Variants in ETV6 observed in about 807,000 individuals in gnomAD.
The protein encoded by ETV6 is ETS variant transcription factor 6.
ETV6 carries 16 observed loss-of-function variants against 51.1 expected under a neutral mutation model. The ratio of observed to expected loss-of-function variants is 0.31; its 90% CI spans 0.21 to 0.48. ETV6 has a LOEUF of 0.48. ETV6 is among the 20% of genes least tolerant of loss of function. The pLI, the probability that ETV6 is intolerant of heterozygous loss-of-function variation, is 0.99. For synonymous variants in ETV6, 240 were observed against 224.1 expected, an observed-to-expected ratio of 1.07 and a Z score of -0.64; for missense variants, 458 against 594.8, an observed-to-expected ratio of 0.77 and a Z score of 2.39.
chr12:11,678,262 A>G (rs912791487), intron 1 of ETV6, among the ~76,000 whole-genome samples: 29 of 152,180 alleles, frequency 1.9e-4, no homozygotes, highest in Non-Finnish European at 4.0e-4. Flanking sequence ...TGAAGGCTGT[A>G]AGTGTGTGCT....
chr12:11,656,973 G>T (rs1324122442), intron 1 of ETV6, among the ~76,000 whole-genome samples: 1 of 151,636 alleles, frequency 6.6e-6, no homozygotes, highest in Non-Finnish European at 1.5e-5. Context: ...ATAACAAAAG[G>T]AATCATCTTT....
intron 2 of ETV6, among the ~76,000 whole-genome samples, chr12:11,797,550 C>T (rs951920044): frequency 9.2e-5 from 14 of 152,166 alleles, no homozygotes; most frequent in African/African-American, 3.1e-4. Context: ...ATAGGCATCC[C>T]ATTACAGCAA....
chr12:11,802,134 A>T (rs1945759446), intron 2 of ETV6, among the ~76,000 whole-genome samples: 1 of 152,144 alleles, frequency 6.6e-6, no homozygotes, highest in South Asian at 2.1e-4. Flanking sequence ...GATAACCTGA[A>T]CCACTTAAAA....
intron 2 of ETV6, among the ~76,000 whole-genome samples, chr12:11,836,478 G>T (rs532547378): frequency 6.6e-6 from 1 of 152,120 alleles, no homozygotes; most frequent in Admixed American, 6.5e-5. Context: ...CATTTGCATC[G>T]GTTCCTGGTG....
At position 11,800,635 on chromosome 12, in the gene ETV6, T is replaced by A. The variant is rs565223873; in HGVS notation, c.164-38505T>A. ...TAAGCGAGATCGTGTAATATATATCTTTTCATTACTGGCTTATTTCACTTA... is the reference window on the plus strand; with the variant it reads ...TAAGCGAGATCGTGTAATATATATCATTTCATTACTGGCTTATTTCACTTA... On this transcript the variant is annotated intron_variant, in intron 2 of 7. Transcript: ENST00000396373. Among the ~76,000 whole-genome samples the A allele has an allele frequency of 9.2e-5, 14 of 152,300 alleles. No homozygotes were observed. In the South Asian group the frequency reaches 1.9e-3, roughly 20 times the overall value.
intron 3 of ETV6, among the ~76,000 whole-genome samples, chr12:11,842,732 T>C (rs1337047183): frequency 6.6e-6 from 1 of 152,192 alleles, no homozygotes; most frequent in South Asian, 2.1e-4. Context: ...TTTCCACCAG[T>C]GCGTAGGGTA....
chr12:11,746,846 G>A (rs1865919333), intron 1 of ETV6, among the ~76,000 whole-genome samples: 1 of 146,198 alleles, frequency 6.8e-6, no homozygotes, highest in Non-Finnish European at 1.5e-5. Context: ...ACAGGTCTGG[G>A]TAAGAGGAAG....
chr12:11,731,750 A>G (rs1298824574), intron 1 of ETV6, among the ~76,000 whole-genome samples: 4 of 152,160 alleles, frequency 2.6e-5, no homozygotes, highest in Non-Finnish European at 2.9e-5. Flanking sequence ...CTTCATAGTC[A>G]TTAATTTGCA....
chr12:11,880,529 C>T (rs1188338024), intron 5 of ETV6, among the ~76,000 whole-genome samples: 3 of 152,132 alleles, frequency 2.0e-5, no homozygotes, highest in Non-Finnish European at 2.9e-5. Flanking sequence ...GTCTGGTTCA[C>T]GTTTCACTGT....
chr12:11,649,877 C>CCGCGA lies in ETV6; in HGVS notation c.-249_-245dup, dbSNP rs1453495617. ...CTGCGTCCCGGGTCCCCGCGCCGCG[C>CCGCGA]CGCGACCTGCAGACCCCGCCGCCGC... On this transcript the variant is annotated 5_prime_UTR_variant, in exon 1 of 8. An upstream open reading frame in the 5' UTR gains an earlier in-frame stop. Transcript: ENST00000396373. 2 of 150,694 alleles carry CCGCGA rather than the reference C, an allele frequency of 1.3e-5. No individual in the cohort carries two copies. The highest frequency in any genetic ancestry group is 2.9e-5 in the Non-Finnish European group (2 of 68,030). 9.3% of individuals were successfully genotyped at this position (150,694 alleles called of 1,614,324 possible). A position where few individuals can be genotyped will look rare whatever the true frequency, so the allele number is the denominator to read the frequency against.
At chr12:11,736,542 T>C (rs1026352751) in intron 1 of ETV6, among the ~76,000 whole-genome samples, 8 of 152,224 alleles carry the variant, frequency 5.3e-5, no homozygotes, top group Non-Finnish European at 1.0e-4. Flanking sequence ...GTTTCTAAAG[T>C]ATTTTTGAGG....
chr12:11,712,485 G>A (rs1237934167), intron 1 of ETV6, among the ~76,000 whole-genome samples: 4 of 152,158 alleles, frequency 2.6e-5, no homozygotes, highest in Admixed American at 6.5e-5. Flanking sequence ...ATTACAGGTC[G>A]TGCTCATCTG....
At chr12:11,834,948 C>G (rs1399825833) in intron 2 of ETV6, among the ~76,000 whole-genome samples, 1 of 152,106 alleles carries the variant, frequency 6.6e-6, no homozygotes, top group East Asian at 1.9e-4. Context: ...TAATTCATGG[C>G]AGATCTGGGA....
chr12:11,817,382 C>G (rs556044519), intron 2 of ETV6, among the ~76,000 whole-genome samples: 4 of 152,156 alleles, frequency 2.6e-5, no homozygotes, highest in Non-Finnish European at 5.9e-5. Context: ...TATGAAAGCT[C>G]AAGAAATAGG....
intron 3 of ETV6, chr12:11,840,706 A>G (rs1430540474): frequency 3.1e-6 from 1 of 324,604 alleles, no homozygotes; most frequent in Non-Finnish European, 6.1e-6. Context: ...CCCCAGAAGT[A>G]GAGATGTTAT....
intron 3 of ETV6, among the ~76,000 whole-genome samples, chr12:11,843,111 T>C (rs908196133): frequency 1.3e-5 from 2 of 152,162 alleles, no homozygotes; most frequent in Non-Finnish European, 2.9e-5. Context: ...TAGAAAGCCA[T>C]GGACAGAATT....
intron 1 of ETV6, among the ~76,000 whole-genome samples, chr12:11,659,114 A>G (rs1330970469): frequency 6.6e-6 from 1 of 152,204 alleles, no homozygotes; most frequent in Non-Finnish European, 1.5e-5. Context: ...AAGAGCAGGG[A>G]GTAGATGGCC....
At chr12:11,662,763 A>G (rs1864123977) in intron 1 of ETV6, among the ~76,000 whole-genome samples, 1 of 152,254 alleles carries the variant, frequency 6.6e-6, no homozygotes, top group South Asian at 2.1e-4. Context: ...TATTTCTGCC[A>G]GACTAAATGC....
intron 4 of ETV6, among the ~76,000 whole-genome samples, chr12:11,856,089 C>T (rs770295779): frequency 2.0e-5 from 3 of 152,154 alleles, no homozygotes; most frequent in Admixed American, 1.3e-4. Flanking sequence ...CTCTCCTCCT[C>T]ACAGATCCTT....
Sources: gnomAD v4.1 joint callset for allele counts (sites outside exome capture counted in the v4.1 genomes callset) on GRCh38, gnomAD v4.1.1 for gene constraint, MANE v1.5 for transcripts, NCBI Gene and HGNC (gene_info 2026-07-23, HGNC 2026-07-21) for gene names.